SLC7A14: variants seen among roughly 807,000 people sequenced by gnomAD.
SLC7A14 encodes the protein solute carrier family 7 member 14.
Under a neutral mutation model 60.2 loss-of-function variants are expected in SLC7A14, and 37 were observed. The observed-to-expected ratio is 0.61, with a 90% CI of 0.47 to 0.81. SLC7A14 has a LOEUF of 0.81. Among genes scored for constraint, SLC7A14 ranks in the 30% least tolerant of loss-of-function variants. The pLI, the probability that SLC7A14 is intolerant of heterozygous loss-of-function variation, is 0.00. For missense variants in SLC7A14, 886 were observed against 982.7 expected, an observed-to-expected ratio of 0.90 and a Z score of 1.32; for synonymous variants, 399 against 395.8, an observed-to-expected ratio of 1.01 and a Z score of -0.10.
chr3:170,571,230 A>G (rs557333493), intron 1 of SLC7A14, among the ~76,000 whole-genome samples: 3 of 152,320 alleles, frequency 2.0e-5, no homozygotes, highest in South Asian at 4.1e-4. Flanking sequence ...CTTTGGGGTA[A>G]TCAAACAATC....
chr3:170,534,537 A>G (rs1713779804), intron 1 of SLC7A14, among the ~76,000 whole-genome samples: 1 of 152,184 alleles, frequency 6.6e-6, no homozygotes, highest in Non-Finnish European at 1.5e-5. Context: ...CTTACTATGC[A>G]CTAGGCAAAG....
chr3:170,556,470 C>T (rs1179299847), intron 1 of SLC7A14, among the ~76,000 whole-genome samples: 1 of 152,166 alleles, frequency 6.6e-6, no homozygotes, highest in Non-Finnish European at 1.5e-5. Context: ...GTCTACTTTG[C>T]AGGTTTTGTG....
At chr3:170,478,588 T>C (rs1015109563) in intron 7 of SLC7A14, among the ~76,000 whole-genome samples, 9 of 152,210 alleles carry the variant, frequency 5.9e-5, no homozygotes, top group African/African-American at 1.7e-4. Flanking sequence ...TGCTACTTTT[T>C]CCCCCACTTC....
rs2108260725 is a variant in SLC7A14, at chr3:170,464,721, G to C, written c.*2334C>G. 1 of 152,320 alleles carries C rather than the reference G, an allele frequency of 6.6e-6. No homozygotes were observed. The highest frequency in any genetic ancestry group is 6.5e-5 in the Admixed American group (1 of 15,304). 9.4% of individuals were successfully genotyped at this position (152,320 alleles called of 1,614,324 possible). On this transcript the variant is annotated 3_prime_UTR_variant, in exon 8 of 8. Coordinates refer to ENST00000231706, the MANE Select transcript of SLC7A14 (RefSeq NM_020949.3). ...GTCAACAGCAATGGTGTTAACCAAA[G>C]CATACATTTTCCATTCCCATCCTAT... is the stretch of plus-strand genomic sequence containing the variant.
At chr3:170,512,149 A>G (rs530912140) in intron 2 of SLC7A14, among the ~76,000 whole-genome samples, 2 of 152,330 alleles carry the variant, frequency 1.3e-5, no homozygotes, top group African/African-American at 4.8e-5. Flanking sequence ...CAGATCTCAG[A>G]AGATTCTGTG....
intron 2 of SLC7A14, among the ~76,000 whole-genome samples, chr3:170,524,950 A>G (rs992662555): frequency 1.3e-5 from 2 of 152,234 alleles, no homozygotes; most frequent in African/African-American, 4.8e-5. Flanking sequence ...GTTAAATACA[A>G]ACCAGCACAC....
intron 4 of SLC7A14, among the ~76,000 whole-genome samples, chr3:170,493,606 A>G (rs1043168217): frequency 2.0e-5 from 3 of 152,212 alleles, no homozygotes; most frequent in African/African-American, 4.8e-5. Flanking sequence ...GAGGCAACAC[A>G]CTTCTGTAGA....
chr3:170,555,397 CATT>C (rs1340596706), intron 1 of SLC7A14, among the ~76,000 whole-genome samples: 2 of 151,964 alleles, frequency 1.3e-5, no homozygotes, highest in African/African-American at 4.8e-5. Context: ...TTTCACTTAT[CATT>C]ATATTAAGAA....
chr3:170,501,932 G>C (rs889709838), intron 2 of SLC7A14, among the ~76,000 whole-genome samples: 1 of 152,218 alleles, frequency 6.6e-6, no homozygotes, highest in African/African-American at 2.4e-5. Context: ...GCATGGCAGG[G>C]TGTGAAGCAC....
In SLC7A14 at chr3:170,480,727, C is replaced by A; in HGVS notation, c.1555G>T (p.Gly519Cys). Residue 519 changes from glycine to cysteine, a missense_variant, in exon 7 of 8, where the codon GGC becomes TGC. Physicochemically the swap from Gly to Cys is radical, Grantham distance 159. Coordinates refer to ENST00000231706, the MANE Select transcript of SLC7A14 (RefSeq NM_020949.3). ...TTTTCGGATTCATCAGCTTCTATGC[C>A]TGTGGTCATGTCCACGGTGCCGTAA... Reference protein sequence around the residue: ...PNYGTVDMTTGIEADESENIY... With the variant: ...PNYGTVDMTTCIEADESENIY... The A allele has an allele frequency of 6.2e-7, 1 of 1,614,244 alleles. No individual in the cohort carries two copies. Among genetic ancestry groups the A allele is most frequent in the Non-Finnish European group, 8.5e-7 (1 of 1,180,048 alleles).
At chr3:170,467,542 A>G (rs1303705368) in intron 7 of SLC7A14, 165 bp from the exon 8 acceptor site, 12 of 561,516 alleles carry the variant, frequency 2.1e-5, no homozygotes, top group Non-Finnish European at 3.2e-5. Context: ...AAATACTTGA[A>G]TTAGATGCCT....
chr3:170,535,798 G>A lies in SLC7A14; in HGVS notation c.-152-8710C>T, dbSNP rs755256843. Among the ~76,000 whole-genome samples, 4 of 152,252 alleles carry A rather than the reference G, an allele frequency of 2.6e-5. No individual in the cohort carries two copies. The highest frequency in any genetic ancestry group is 9.6e-5 in the African/African-American group (4 of 41,540). ...TTTCTTTATCCCCCCTGTCATTTCA[G>A]GCAGTGGGTAGTACTCATGTTTCTA... On this transcript the variant is annotated intron_variant, in intron 1 of 7. Transcript: ENST00000231706. This position sits in a 1 kb window ranked among gnomAD's most constrained non-coding sequence, Gnocchi z 4.3.
chr3:170,573,143 C>T (rs34928542), intron 1 of SLC7A14, among the ~76,000 whole-genome samples: 50,719 of 152,008 alleles, frequency 0.33, 8,811 homozygotes, highest in East Asian at 0.47. Context: ...GACTCAGGTG[C>T]ACTCAGAGCA....
intron 4 of SLC7A14, among the ~76,000 whole-genome samples, chr3:170,487,331 G>T (rs921932010): frequency 6.6e-6 from 1 of 151,210 alleles, no homozygotes; most frequent in Non-Finnish European, 1.5e-5. Flanking sequence ...TATTTTCATT[G>T]TTAGCTCTAA....
At chr3:170,472,923 G>A (rs1739960745) in intron 7 of SLC7A14, among the ~76,000 whole-genome samples, 1 of 152,062 alleles carries the variant, frequency 6.6e-6, no homozygotes, top group African/African-American at 2.4e-5. Flanking sequence ...CAATTGAATG[G>A]GCTTTCTTTA....
chr3:170,576,130 T>C (rs1321102122), intron 1 of SLC7A14, among the ~76,000 whole-genome samples: 2 of 152,232 alleles, frequency 1.3e-5, no homozygotes, highest in Non-Finnish European at 2.9e-5. Context: ...TCTGTGGAAG[T>C]GAATTGTTTC....
chr3:170,559,848 C>T (rs1048137910), intron 1 of SLC7A14, among the ~76,000 whole-genome samples: 1 of 152,174 alleles, frequency 6.6e-6, no homozygotes, highest in Non-Finnish European at 1.5e-5. Flanking sequence ...TAAATAAAAC[C>T]AAACACTCTC....
At chr3:170,496,551 T>A in intron 4 of SLC7A14, 1 of 1,594,064 alleles carries the variant, frequency 6.3e-7, no homozygotes, top group Non-Finnish European at 8.6e-7. Context: ...GCTGCGTGAG[T>A]ACCAGGAGCT....
intron 1 of SLC7A14, among the ~76,000 whole-genome samples, chr3:170,529,971 G>A (rs1378465417): frequency 6.6e-6 from 1 of 152,176 alleles, no homozygotes; most frequent in Non-Finnish European, 1.5e-5. Context: ...AGCCAACCCT[G>A]CTGACACCTT....
Sources: allele counts gnomAD v4.1 joint callset (sites outside exome capture counted in the v4.1 genomes callset), GRCh38; gene constraint gnomAD v4.1.1; non-coding constraint Gnocchi (gnomAD v3.1); transcripts MANE v1.5; gene names NCBI Gene and HGNC (gene_info 2026-07-23, HGNC 2026-07-21).